EPHA5: variants seen among roughly 807,000 people sequenced by gnomAD.
The protein encoded by EPHA5 is EPH receptor A5, also known as ephrin type-A receptor 5.
In EPHA5, 60 loss-of-function variants were observed where a neutral mutation model predicts 105.0. That is an observed-to-expected ratio of 0.57 (90% CI 0.46 to 0.71). EPHA5 has a LOEUF of 0.71. Ranked by LOEUF, EPHA5 falls within the 30% of genes least tolerant of loss-of-function variation. EPHA5 has a pLI of 0.00. For synonymous variants in EPHA5, 513 were observed against 449.1 expected (o/e 1.14, Z -1.80); for missense variants, 1,218 against 1,274.7 (o/e 0.96, Z 0.68).
At chr4:65,505,716 A>G (rs986015925) in intron 3 of EPHA5, among the ~76,000 whole-genome samples, 1 of 152,110 alleles carries the variant, frequency 6.6e-6, no homozygotes, top group Non-Finnish European at 1.5e-5. Flanking sequence ...GCCCGAATTT[A>G]TACCTCTTTT....
intron 2 of EPHA5, among the ~76,000 whole-genome samples, chr4:65,619,572 T>C (rs1032789544): frequency 6.6e-6 from 1 of 152,136 alleles, no homozygotes. Flanking sequence ...TAAAAAAGTA[T>C]CACTAAATGA....
intron 3 of EPHA5, among the ~76,000 whole-genome samples, chr4:65,563,962 C>A (rs1739275147): frequency 6.6e-6 from 1 of 151,922 alleles, no homozygotes; most frequent in Non-Finnish European, 1.5e-5. Context: ...AAATTTTCCT[C>A]TCAAACTATT....
chr4:65,502,843 G>A (rs762765193), intron 3 of EPHA5, among the ~76,000 whole-genome samples: 1 of 151,686 alleles, frequency 6.6e-6, no homozygotes, highest in Non-Finnish European at 1.5e-5. Context: ...GTATTAAATA[G>A]CAAAGGCATG....
chr4:65,558,384 A>G (rs1183500728), intron 3 of EPHA5, among the ~76,000 whole-genome samples: 3 of 152,142 alleles, frequency 2.0e-5, no homozygotes, highest in African/African-American at 7.2e-5. Context: ...GAAGTAATAA[A>G]ATAGAATATC....
At chr4:65,517,949 T>G (rs185223978) in intron 3 of EPHA5, among the ~76,000 whole-genome samples, 395 of 152,038 alleles carry the variant, frequency 2.6e-3, no homozygotes, top group African/African-American at 9.0e-3. Flanking sequence ...GTTTAACACC[T>G]CAAAATAATA....
intron 3 of EPHA5, among the ~76,000 whole-genome samples, chr4:65,579,966 G>T (rs886999648): frequency 2.0e-5 from 3 of 151,850 alleles, no homozygotes; most frequent in Non-Finnish European, 2.9e-5. Flanking sequence ...AAATTTAATA[G>T]TCTTTATTAA....
In EPHA5 at chr4:65,495,477, C is replaced by T; in HGVS notation, c.977G>A (p.Ser326Asn). The change falls in exon 4 of 17, where the codon AGT (serine) becomes AAT (asparagine). Residue 326 changes from serine to asparagine, a missense_variant. By Grantham distance (46) the Ser-to-Asn change is conservative. Coordinates refer to ENST00000613740, the MANE Select transcript of EPHA5 (RefSeq NM_001281766.3). ...IQSCGKCPPH[S>N]YTHEEASTSC... is the part of the protein sequence containing the mutation. ...GGTTGAAGCTTCCTCATGGGTATAA[C>T]TGTGAGGTGGACATTTGCCGCAGCT... The T allele has an allele frequency of 6.2e-7, 1 of 1,613,856 alleles. No individual in the cohort carries two copies. The highest frequency in any genetic ancestry group is 8.5e-7 in the Non-Finnish European group (1 of 1,179,848).
At position 65,571,249 on chromosome 4, in the gene EPHA5, G is replaced by A. The variant is rs913655086; in HGVS notation, c.910+30392C>T. ...CTATATCTTAAATTTACTTTAAAAA[G>A]GAACGCTTATTAATTAAAATGCACA... On this transcript the variant is annotated intron_variant, in intron 3 of 16. Coordinates refer to ENST00000613740, the MANE Select transcript of EPHA5 (RefSeq NM_001281766.3). 2.0e-5 allele frequency among the ~76,000 whole-genome samples: 3 copies of A among 151,434 alleles called. No individual in the cohort carries two copies. The East Asian group carries it at 5.8e-4, about 29-fold the overall frequency.
At chr4:65,554,697 C>T (rs563111463) in intron 3 of EPHA5, among the ~76,000 whole-genome samples, 2 of 151,796 alleles carry the variant, frequency 1.3e-5, no homozygotes, top group South Asian at 4.1e-4. Flanking sequence ...CATTAAACAT[C>T]TTTTCATGTT....
At chr4:65,605,909 A>G (rs1744189152) in intron 2 of EPHA5, among the ~76,000 whole-genome samples, 1 of 152,146 alleles carries the variant, frequency 6.6e-6, no homozygotes, top group Non-Finnish European at 1.5e-5. Context: ...AGAACATCAC[A>G]AAGAGCCTTA....
At chr4:65,575,122 G>A (rs1169808947) in intron 3 of EPHA5, among the ~76,000 whole-genome samples, 1 of 151,920 alleles carries the variant, frequency 6.6e-6, no homozygotes, top group African/African-American at 2.4e-5. Flanking sequence ...TAGGATGACA[G>A]CAATCAACAG....
chr4:65,397,677 C>T (rs1042708597), intron 8 of EPHA5, among the ~76,000 whole-genome samples: 7 of 151,912 alleles, frequency 4.6e-5, no homozygotes, highest in African/African-American at 1.4e-4. Context: ...ACTTAACCTC[C>T]TTGTAAAATG....
At chr4:65,335,733 T>C (rs545428863) in intron 15 of EPHA5, among the ~76,000 whole-genome samples, 199 bp downstream of exon 15, 31 of 152,158 alleles carry the variant, frequency 2.0e-4, no homozygotes, top group African/African-American at 7.2e-4. Flanking sequence ...AGATTAGGTA[T>C]AGGTGATTTT....
At chr4:65,496,165 A>G (rs1731910719) in intron 3 of EPHA5, among the ~76,000 whole-genome samples, 1 of 152,130 alleles carries the variant, frequency 6.6e-6, no homozygotes, top group Admixed American at 6.6e-5. Context: ...ACATTTATCT[A>G]TTCTAATATC....
At chr4:65,355,214 T>C (rs1365132844) in intron 11 of EPHA5, among the ~76,000 whole-genome samples, 3 of 151,654 alleles carry the variant, frequency 2.0e-5, no homozygotes, top group Non-Finnish European at 3.0e-5. Flanking sequence ...TCTGAATTTT[T>C]TTCTCTTCTT....
rs184979096 is a variant in EPHA5 at position 65,369,948 on chromosome 4, C to A, written c.1794-2524G>T. Among the ~76,000 whole-genome samples, 1,081 of 152,240 alleles carry A rather than the reference C, an allele frequency of 7.1e-3. 5 individuals carry two copies. Among genetic ancestry groups the A allele is most frequent in the Non-Finnish European group, 0.011 (745 of 68,026 alleles). On this transcript the variant is annotated intron_variant, in intron 8 of 16. Coordinates refer to ENST00000613740, the MANE Select transcript of EPHA5 (RefSeq NM_001281766.3). ...TGCCACTGCACTCCAGCCTCGGCCA[C>A]AGAGCTAGACTCCATCTCAACAACA...
intron 3 of EPHA5, among the ~76,000 whole-genome samples, chr4:65,568,241 G>A (rs1212144793): frequency 1.3e-5 from 2 of 151,436 alleles, no homozygotes; most frequent in South Asian, 4.1e-4. Flanking sequence ...ACCCTTTAAA[G>A]TGTGGTTCCA....
At chr4:65,540,966 A>G (rs955331709) in intron 3 of EPHA5, among the ~76,000 whole-genome samples, 9 of 151,434 alleles carry the variant, frequency 5.9e-5, no homozygotes, top group African/African-American at 2.2e-4. Context: ...AGAAAAGATC[A>G]TAAAGATGAT....
intron 3 of EPHA5, among the ~76,000 whole-genome samples, chr4:65,509,052 C>G (rs982353893): frequency 6.6e-6 from 1 of 152,078 alleles, no homozygotes; most frequent in Non-Finnish European, 1.5e-5. Context: ...TTTAAATTAG[C>G]AAAACCAACT....
Sources: gnomAD v4.1 joint callset for allele counts (sites outside exome capture counted in the v4.1 genomes callset) on GRCh38, gnomAD v4.1.1 for gene constraint, MANE v1.5 for transcripts, NCBI Gene and HGNC (gene_info 2026-07-23, HGNC 2026-07-21) for gene names.